Variants in NT5C1B observed in about 807,000 individuals in gnomAD.
The protein encoded by NT5C1B is cytosolic 5'-nucleotidase 1B.
NT5C1B carries 44 observed loss-of-function variants against 57.8 expected under a neutral mutation model. The ratio of observed to expected loss-of-function variants is 0.76; its 90% CI spans 0.60 to 0.98. The LOEUF is 0.98. Ranked by LOEUF, NT5C1B falls within the 50% of genes least tolerant of loss-of-function variation. The pLI is 0.00. For synonymous variants in NT5C1B, 284 were observed against 282.6 expected (o/e 1.00, Z -0.05); for missense variants, 742 against 719.5 (o/e 1.03, Z -0.36).
At chr2:18,586,645 T>A in intron 2 of NT5C1B, 1 of 608,698 alleles carries the variant, frequency 1.6e-6, no homozygotes, top group Non-Finnish European at 2.8e-6. Context: ...AACATATTTT[T>A]TCACTGTGAC....
exon 7 of NT5C1B, chr2:18,576,828 A>G (rs1442713885): frequency 2.5e-6 from 4 of 1,613,968 alleles, no homozygotes; most frequent in Non-Finnish European, 3.4e-6. Flanking sequence ...ACAAGTTGGT[A>G]AGATATGCCT....
intron 2 of NT5C1B, chr2:18,587,253 C>A: frequency 6.6e-7 from 1 of 1,518,284 alleles, no homozygotes. Flanking sequence ...CCAGTCTCCC[C>A]CCTGTGTAGG....
At chr2:18,572,326 T>C (rs1483376488) in intron 8 of NT5C1B, among the ~76,000 whole-genome samples, 1 of 152,122 alleles carries the variant, frequency 6.6e-6, no homozygotes, top group Non-Finnish European at 1.5e-5. Flanking sequence ...GTAAGAAACC[T>C]AAAACCATAA....
chr2:18,585,116 G>T, intron 3 of NT5C1B, 138 bp from the exon 4 acceptor site: 1 of 1,114,990 alleles, frequency 9.0e-7, no homozygotes, highest in Non-Finnish European at 1.4e-6. Flanking sequence ...GGGCTTAAGG[G>T]ACTCGGACAT....
chr2:18,585,328 A>G (rs1286099432), intron 3 of NT5C1B, among the ~76,000 whole-genome samples: 1 of 152,148 alleles, frequency 6.6e-6, no homozygotes, highest in Non-Finnish European at 1.5e-5. Context: ...CTACTCAGTC[A>G]GAGGCCTGCA....
At chr2:18,571,689 ACT>A (rs1327349438) in intron 8 of NT5C1B, among the ~76,000 whole-genome samples, 1 of 123,592 alleles carries the variant, frequency 8.1e-6, no homozygotes, top group Non-Finnish European at 1.6e-5. Context: ...ATCAGACTGT[ACT>A]CTCTCTCTCT....
chr2:18,569,388 CA>C (rs1304199081), intron 8 of NT5C1B, among the ~76,000 whole-genome samples: 1 of 151,774 alleles, frequency 6.6e-6, no homozygotes, highest in Non-Finnish European at 1.5e-5. Context: ...TTAATCCAAC[CA>C]AAGCAATGAT....
At chr2:18,574,298 T>C (rs538845462) in intron 8 of NT5C1B, among the ~76,000 whole-genome samples, 1 of 152,204 alleles carries the variant, frequency 6.6e-6, no homozygotes, top group East Asian at 1.9e-4. Context: ...AAGATGGTTA[T>C]TATAGAAGAC....
intron 2 of NT5C1B, chr2:18,587,235 A>T: frequency 6.5e-7 from 1 of 1,542,558 alleles, no homozygotes; most frequent in Admixed American, 1.9e-5. Flanking sequence ...CCCTGATTTG[A>T]ACAAAGACCA....
At chr2:18,572,793 G>T (rs1407925515) in intron 8 of NT5C1B, among the ~76,000 whole-genome samples, 1 of 152,050 alleles carries the variant, frequency 6.6e-6, no homozygotes, top group East Asian at 1.9e-4. Flanking sequence ...GAAAAATACT[G>T]AATACTACCA....
chr2:18,587,269 C>T (rs1666805313), intron 2 of NT5C1B: 1 of 1,498,316 alleles, frequency 6.7e-7, no homozygotes, highest in Admixed American at 2.1e-5. Context: ...GTAGGCTGAG[C>T]AGAGGAGCCT....
intron 2 of NT5C1B, 155 bp from the exon 3 acceptor site, chr2:18,586,546 G>C: frequency 8.6e-7 from 1 of 1,158,820 alleles, no homozygotes; most frequent in Non-Finnish European, 1.2e-6. Flanking sequence ...GAACTCTTCT[G>C]TACTATTCTA....
Position 18,584,708 on chromosome 2 carries a change from G to A in NT5C1B, c.529C>T (p.Arg177Cys). 1 of 1,612,600 alleles carries A rather than the reference G, an allele frequency of 6.2e-7. No homozygotes were observed. The highest frequency in any genetic ancestry group is 1.7e-5 in the Admixed American group (1 of 59,932). ...GACTTCCACTCGGTGGGGGACGTGC[G>A]CGAATATTCCAGCGGCTGCGAGTCC... Residue 177 changes from arginine (R) to cysteine (C), a missense_variant, in exon 4 of 9, where the codon CGC (arginine) becomes TGC (cysteine). Arg to Cys is a radical substitution (Grantham distance 180, BLOSUM62 -3). Transcript: ENST00000304081. This position sits in a 1 kb window ranked among gnomAD's most constrained non-coding sequence, Gnocchi z 5.8.
exon 6 of NT5C1B, chr2:18,582,940 A>G: frequency 6.2e-7 from 1 of 1,614,132 alleles, no homozygotes; most frequent in South Asian, 1.1e-5. Context: ...ACAATATCAA[A>G]TAAGTCCTGT....
chr2:18,584,462 A>G lies in NT5C1B; in HGVS notation c.723+52T>C, dbSNP rs35590292. ...CGCAGTGGAGAGGAGGGCGGCTGGA[A>G]GAGGCTGCAAGGAAGGGCGCCCCGG... On this transcript the variant is annotated intron_variant, in intron 4 of 8. Transcript: ENST00000304081. This position sits in a 1 kb window ranked among gnomAD's most constrained non-coding sequence, Gnocchi z 5.8. The G allele has an allele frequency of 0.035, 55,268 of 1,576,400 alleles. 1,136 individuals carry two copies. The highest frequency in any genetic ancestry group is 0.042 in the Non-Finnish European group (48,551 of 1,162,390).
In NT5C1B at chr2:18,586,179, C is replaced by G. The variant is rs572527298; in HGVS notation, c.258+75G>C. On this transcript the variant is annotated intron_variant, in intron 3 of 8. Transcript: ENST00000304081. ...TAAAGCACATAAACAGGGCCTGGCACGTAGAAAGCATCAATAAATGTTAAC... is the reference window on the plus strand; with the variant it reads ...TAAAGCACATAAACAGGGCCTGGCAGGTAGAAAGCATCAATAAATGTTAAC... 5 of 1,565,652 alleles carry G rather than the reference C, an allele frequency of 3.2e-6. No individual in the cohort carries two copies. The South Asian group carries it at 6.0e-5, about 19-fold the overall frequency.
chr2:18,565,254 G>A lies in NT5C1B; in HGVS notation c.1330-1135C>T, dbSNP rs151263073. 3.4e-4 allele frequency among the ~76,000 whole-genome samples: 52 copies of A among 151,920 alleles called. 1 individual carries two copies. In the East Asian group the frequency reaches 8.9e-3, roughly 26 times the overall value. On this transcript the variant is annotated intron_variant, in intron 8 of 8. Coordinates refer to ENST00000304081, the Ensembl canonical transcript of NT5C1B. ...ATCATACAAATTTGTTCATTTGTACGGTTGTTTTAGTTTTAATTCTATGGT... is the reference window on the plus strand; with the variant it reads ...ATCATACAAATTTGTTCATTTGTACAGTTGTTTTAGTTTTAATTCTATGGT...
At chr2:18,574,701 G>A (rs1188583293) in intron 8 of NT5C1B, among the ~76,000 whole-genome samples, 1 of 152,040 alleles carries the variant, frequency 6.6e-6, no homozygotes, top group Non-Finnish European at 1.5e-5. Context: ...AGACCTGGAA[G>A]ATCTGCTAAG....
chr2:18,584,304 G>A lies in NT5C1B; in HGVS notation c.724-49C>T, dbSNP rs1324741066. The A allele has an allele frequency of 3.1e-6, 5 of 1,594,748 alleles. No homozygotes were observed. The Middle Eastern group carries it at 7.1e-4, about 227-fold the overall frequency. On this transcript the variant is annotated intron_variant, in intron 4 of 8. Transcript: ENST00000304081. The surrounding 1 kb of genome is among the most constrained non-coding windows in gnomAD (Gnocchi z 5.8). The stretch of plus-strand genomic sequence containing the variant: ...AGGATAGTCACATAGCCACGAAGAG[G>A]ACAGGGTTGGGGCTCCTCCAGGGTA...
Sources: allele counts gnomAD v4.1 joint callset (sites outside exome capture counted in the v4.1 genomes callset), GRCh38; gene constraint gnomAD v4.1.1; non-coding constraint Gnocchi (gnomAD v3.1); transcripts MANE v1.5; gene names NCBI Gene and HGNC (gene_info 2026-07-23, HGNC 2026-07-21).